CPA4: variants seen among roughly 807,000 people sequenced by gnomAD.
The protein encoded by CPA4 is carboxypeptidase A4.
Under a neutral mutation model 54.7 loss-of-function variants are expected in CPA4, and 49 were observed. That is an observed-to-expected ratio of 0.90 (90% CI 0.71 to 1.14). The LOEUF (loss-of-function observed/expected upper bound fraction) is 1.14, where lower values mean the gene tolerates loss of function less well. CPA4 is among the 50% of genes most tolerant of loss of function. The pLI is 0.00. For missense variants in CPA4, 487 were observed against 525.1 expected (o/e 0.93, Z 0.71); for synonymous variants, 215 against 206.8 (o/e 1.04, Z -0.34).
chr7:130,293,484 A>T (rs78283599), intron 1 of CPA4: 3 of 488,064 alleles, frequency 6.1e-6, no homozygotes, highest in Non-Finnish European at 1.1e-5. Context: ...ATCTCCTGCC[A>T]GTTCTTTTTC....
At chr7:130,314,144 T>G (rs1793954763) in intron 10 of CPA4, among the ~76,000 whole-genome samples, 2 of 152,186 alleles carry the variant, frequency 1.3e-5, no homozygotes, top group Admixed American at 6.5e-5. Context: ...CTGGTGATCC[T>G]TGGTAGTCAA....
intron 8 of CPA4, 119 bp downstream of exon 8, chr7:130,308,516 G>A (rs1261447771): frequency 1.5e-4 from 115 of 752,224 alleles, no homozygotes; most frequent in Non-Finnish European, 3.1e-5. Context: ...CTGCGTCACT[G>A]AGAGACTGAG....
chr7:130,308,129 G>T (rs1793853427), intron 7 of CPA4, 178 bp from the exon 8 acceptor site: 1 of 618,676 alleles, frequency 1.6e-6, no homozygotes, highest in Admixed American at 2.8e-5. Context: ...GCCGGAAGGG[G>T]AAATACTCCT....
rs977733336 is a variant in CPA4 at position 130,300,376 on chromosome 7, G to A, written c.286-440G>A. Among the ~76,000 whole-genome samples, 11 of 133,374 alleles carry A rather than the reference G, an allele frequency of 8.2e-5. No homozygotes were observed. The East Asian group carries it at 1.3e-3, about 16-fold the overall frequency. The allele number at this position is 133,374 out of a possible 152,430, so 87.5% of individuals were successfully genotyped here. On this transcript the variant is annotated intron_variant, in intron 3 of 10. Transcript: ENST00000222482. ...TTTTGAGATGGAGTCTCTCTCTTTCGCCAGGCTAGAGTATAATGGTGCAAT... is the reference window on the plus strand; with the variant it reads ...TTTTGAGATGGAGTCTCTCTCTTTCACCAGGCTAGAGTATAATGGTGCAAT...
At chr7:130,306,229 G>A (rs569305940) in intron 6 of CPA4, 1 of 377,140 alleles carries the variant, frequency 2.7e-6, no homozygotes. Flanking sequence ...GACCCTCGGG[G>A]ACCTCACGCC....
intron 3 of CPA4, among the ~76,000 whole-genome samples, chr7:130,300,308 A>G (rs1793719041): frequency 6.6e-6 from 1 of 151,092 alleles, no homozygotes; most frequent in Non-Finnish European, 1.5e-5. Flanking sequence ...GAATGAGGCC[A>G]TGTAAATTGG....
At chr7:130,320,786 AACCT>A (rs1794080991) in intron 10 of CPA4, among the ~76,000 whole-genome samples, 1 of 152,224 alleles carries the variant, frequency 6.6e-6, no homozygotes, top group Admixed American at 6.5e-5. Flanking sequence ...AGGACAATAA[AACCT>A]ACTTCAATGA....
intron 10 of CPA4, among the ~76,000 whole-genome samples, chr7:130,314,033 T>C (rs1287443045): frequency 6.6e-6 from 1 of 152,158 alleles, no homozygotes; most frequent in African/African-American, 2.4e-5. Context: ...TATCCAACCA[T>C]GGAAAAATGT....
chr7:130,322,429 C>T, intron 10 of CPA4, 60 bp from the exon 11 acceptor site: 1 of 1,453,436 alleles, frequency 6.9e-7, no homozygotes, highest in Non-Finnish European at 9.5e-7. Context: ...CTCTTGGCCC[C>T]TTCCCATCTA....
rs1562931054 is a variant in CPA4, at chr7:130,310,246, GCA to G, written c.794-531_794-530del. ...CAGTCACATTCATACACACACACAC[GCA>G]CACACACACGTATGCACGTGTGCAC... On this transcript the variant is annotated intron_variant, in intron 8 of 10. Coordinates refer to ENST00000222482, the MANE Select transcript of CPA4 (RefSeq NM_016352.4). This position sits in a 1 kb window ranked among gnomAD's most constrained non-coding sequence, Gnocchi z 4.3. Among the ~76,000 whole-genome samples, 2 of 150,804 alleles carry G rather than the reference GCA, an allele frequency of 1.3e-5. No individual in the cohort carries two copies. Among genetic ancestry groups the G allele is most frequent in the African/African-American group, 4.9e-5 (2 of 40,480 alleles).
intron 10 of CPA4, among the ~76,000 whole-genome samples, chr7:130,313,292 G>A (rs1468703074): frequency 3.9e-5 from 6 of 152,248 alleles, no homozygotes. Context: ...TATTAGGACA[G>A]AGCCCAGGAA....
rs1190575359 is a variant in CPA4 at position 130,307,795 on chromosome 7, G to T, written c.703-512G>T. Among the ~76,000 whole-genome samples the T allele has an allele frequency of 2.0e-5, 3 of 152,164 alleles. No homozygotes were observed. In the East Asian group the frequency reaches 5.8e-4, roughly 29 times the overall value. ...CTCACTCATTTAGGGGAGAAGCCAAGTAATTTGTCTTGTACAGTGTCTCAC... is the reference window on the plus strand; with the variant it reads ...CTCACTCATTTAGGGGAGAAGCCAATTAATTTGTCTTGTACAGTGTCTCAC... On this transcript the variant is annotated intron_variant, in intron 7 of 10. Coordinates refer to ENST00000222482, the MANE Select transcript of CPA4 (RefSeq NM_016352.4).
intron 8 of CPA4, among the ~76,000 whole-genome samples, chr7:130,309,782 T>A (rs965136991): frequency 1.3e-5 from 2 of 152,180 alleles, no homozygotes; most frequent in Non-Finnish European, 2.9e-5. Flanking sequence ...TTTTGTTTTG[T>A]TGAGACACGG....
intron 7 of CPA4, 25 bp from the exon 8 acceptor site, chr7:130,308,282 G>A: frequency 6.2e-7 from 1 of 1,601,566 alleles, no homozygotes; most frequent in Non-Finnish European, 8.6e-7. Context: ...CTGGTTGTTT[G>A]TCCCCTCCTT....
chr7:130,294,302 T>C lies in CPA4; in HGVS notation c.68+1054T>C, dbSNP rs944224521. On this transcript the variant is annotated intron_variant, in intron 1 of 10. Coordinates refer to ENST00000222482, the MANE Select transcript of CPA4 (RefSeq NM_016352.4). The stretch of plus-strand genomic sequence containing the variant: ...TCTTGGATCTGTCTCTTAGTTTTCT[T>C]TCTATTTTACTATCTGGCTAATGAG... Among the ~76,000 whole-genome samples, 12 of 152,368 alleles carry C rather than the reference T, an allele frequency of 7.9e-5. No homozygotes were observed. In the South Asian group the frequency reaches 8.3e-4, roughly 11 times the overall value.
rs753729888 is a variant in CPA4 at position 130,298,822 on chromosome 7, T to G, written c.145T>G (p.Leu49Val). 1 of 1,596,292 alleles carries G rather than the reference T, an allele frequency of 6.3e-7. No homozygotes were observed. Among genetic ancestry groups the G allele is most frequent in the South Asian group, 1.1e-5 (1 of 90,614 alleles). Residue 49 changes from leucine to valine, a missense_variant, in exon 2 of 11, where the codon TTG becomes GTG. By Grantham distance (32) the Leu-to-Val change is conservative. Coordinates refer to ENST00000222482, the MANE Select transcript of CPA4 (RefSeq NM_016352.4). ...GAGTCAACTAGTGAATTCAAACAAC[T>G]TGAAGGTACCTGGTTCTTTTTAGCT... ...KLSQLVNSNN[L>V]KLNFWKSPSS...
intron 1 of CPA4, among the ~76,000 whole-genome samples, chr7:130,295,074 G>A (rs1299369991): frequency 6.6e-6 from 1 of 152,226 alleles, no homozygotes; most frequent in African/African-American, 2.4e-5. Flanking sequence ...AGAGGCACCA[G>A]GCAGGCAGAG....
chr7:130,306,073 A>T (rs1182452805), intron 6 of CPA4, 153 bp downstream of exon 6: 7 of 638,988 alleles, frequency 1.1e-5, no homozygotes, highest in Non-Finnish European at 1.9e-5. Flanking sequence ...GCAAATGGTC[A>T]AAACCCCTTG....
rs989338381 is a variant in CPA4 at position 130,304,379 on chromosome 7, C to T, written c.385-99C>T. Reference sequence around the variant, plus strand: ...ATGGTCAATTCCAAGATTAGGGTCCCGGAAGAGATAGTTAAGATCAACAAG... The same window carrying T: ...ATGGTCAATTCCAAGATTAGGGTCCTGGAAGAGATAGTTAAGATCAACAAG... On this transcript the variant is annotated intron_variant, in intron 4 of 10. Transcript: ENST00000222482. The T allele has an allele frequency of 7.2e-5, 58 of 809,270 alleles. 2 individuals carry two copies. Among genetic ancestry groups the T allele is most frequent in the Admixed American group, 5.5e-4 (31 of 56,706 alleles). The allele number at this position is 809,270 out of a possible 1,614,324, so 50.1% of individuals were successfully genotyped here.
Sources: gnomAD v4.1 joint callset for allele counts (sites outside exome capture counted in the v4.1 genomes callset) on GRCh38, gnomAD v4.1.1 for gene constraint, Gnocchi (gnomAD v3.1) non-coding constraint, MANE v1.5 for transcripts, NCBI Gene and HGNC (gene_info 2026-07-23, HGNC 2026-07-21) for gene names.